DPYD: variants seen among roughly 807,000 people sequenced by gnomAD.
DPYD encodes the protein dihydropyrimidine dehydrogenase, also known as dihydropyrimidine dehydrogenase [NADP(+)].
A neutral mutation model predicts 116.2 loss-of-function variants in DPYD; 109 were observed. The observed-to-expected ratio is 0.94, with a 90% CI of 0.80 to 1.10. DPYD has a LOEUF of 1.10. Ranked by LOEUF, DPYD falls within the 50% of genes least tolerant of loss-of-function variation. DPYD has a pLI of 0.00. For missense variants in DPYD, 1,302 were observed against 1,254.5 expected (o/e 1.04, Z -0.57); for synonymous variants, 440 against 432.0 (o/e 1.02, Z -0.23).
At chr1:97,399,315 G>T (rs12045127) in intron 14 of DPYD, among the ~76,000 whole-genome samples, 39,492 of 151,724 alleles carry the variant, frequency 0.26, 5,339 homozygotes, top group South Asian at 0.41. Flanking sequence ...TATCTCTTTT[G>T]TGGTACCAGT....
intron 18 of DPYD, among the ~76,000 whole-genome samples, chr1:97,239,464 A>G (rs995078180): frequency 6.6e-6 from 1 of 151,640 alleles, no homozygotes; most frequent in East Asian, 1.9e-4. Flanking sequence ...TTTTTTAAGC[A>G]CCTATGGCTT....
intron 2 of DPYD, among the ~76,000 whole-genome samples, chr1:97,871,120 C>T (rs1671638885): frequency 6.6e-6 from 1 of 151,818 alleles, no homozygotes; most frequent in African/African-American, 2.4e-5. Context: ...CAGTAATATG[C>T]TTCATTAATA....
intron 22 of DPYD, among the ~76,000 whole-genome samples, chr1:97,081,929 C>T (rs1261667711): frequency 6.6e-6 from 1 of 152,046 alleles, no homozygotes; most frequent in Non-Finnish European, 1.5e-5. Flanking sequence ...TGGAAGAGAA[C>T]TCTCTTTTGG....
chr1:97,767,379 G>A (rs1444468838), intron 3 of DPYD, among the ~76,000 whole-genome samples: 1 of 152,086 alleles, frequency 6.6e-6, no homozygotes, highest in African/African-American at 2.4e-5. Context: ...CAAAGGGTAG[G>A]CTTTTTCCCT....
intron 21 of DPYD, among the ~76,000 whole-genome samples, chr1:97,092,836 GTCT>G (rs35741625): frequency 0.29 from 43,586 of 151,694 alleles, 6,818 homozygotes; most frequent in East Asian, 0.61. Context: ...GGACATCTTA[GTCT>G]TCTTATTATC....
intron 21 of DPYD, among the ~76,000 whole-genome samples, chr1:97,093,475 T>C (rs1356735970): frequency 1.3e-5 from 2 of 152,214 alleles, no homozygotes; most frequent in South Asian, 2.1e-4. Context: ...TCAAATATTA[T>C]AGCTAATAGT....
chr1:97,591,843 GT>G (rs1654541547), intron 10 of DPYD, among the ~76,000 whole-genome samples: 1 of 150,196 alleles, frequency 6.7e-6, no homozygotes, highest in East Asian at 2.0e-4. Context: ...CTTTCTATGT[GT>G]AAAAAAAAAC....
At chr1:97,457,202 T>C (rs1676736862) in intron 13 of DPYD, among the ~76,000 whole-genome samples, 2 of 152,056 alleles carry the variant, frequency 1.3e-5, no homozygotes, top group African/African-American at 2.4e-5. Context: ...GAATAATAAA[T>C]GAAAACTGAC....
At chr1:97,805,224 G>A (rs116594328) in intron 3 of DPYD, among the ~76,000 whole-genome samples, 86 of 151,914 alleles carry the variant, frequency 5.7e-4, no homozygotes, top group Middle Eastern at 3.4e-3. Context: ...ATTTAAAACT[G>A]TAAGTTTGAG....
chr1:97,329,491 A>T (rs1164271691), intron 16 of DPYD, among the ~76,000 whole-genome samples: 1 of 152,042 alleles, frequency 6.6e-6, no homozygotes, highest in Non-Finnish European at 1.5e-5. Flanking sequence ...TTACGCCTGT[A>T]ATCTCAGCAA....
chr1:97,423,673 G>C lies in DPYD; in HGVS notation c.1905+26386C>G, dbSNP rs190516160. Among the ~76,000 whole-genome samples the C allele has an allele frequency of 1.4e-4, 22 of 152,166 alleles. No homozygotes were observed. In the East Asian group the frequency reaches 3.5e-3, roughly 24 times the overall value. On this transcript the variant is annotated intron_variant, in intron 14 of 22. Coordinates refer to ENST00000370192, the MANE Select transcript of DPYD (RefSeq NM_000110.4). ...TCAGTGACAGGACCAGTTTGCTCTC[G>C]TCTAAACTGGCCCACCAAATCATGC...
intron 14 of DPYD, among the ~76,000 whole-genome samples, chr1:97,434,499 A>G (rs1340883689): frequency 6.6e-6 from 1 of 152,078 alleles, no homozygotes; most frequent in East Asian, 1.9e-4. Flanking sequence ...CCAGGGATGC[A>G]TAAATTCTTT....
chr1:97,264,070 C>T (rs1454361519), intron 18 of DPYD, among the ~76,000 whole-genome samples: 1 of 149,318 alleles, frequency 6.7e-6, no homozygotes, highest in African/African-American at 2.5e-5. Flanking sequence ...GAGAATCAGG[C>T]TGAAATGGAA....
chr1:97,107,485 C>A (rs1651254232), intron 20 of DPYD, among the ~76,000 whole-genome samples: 1 of 151,962 alleles, frequency 6.6e-6, no homozygotes, highest in Non-Finnish European at 1.5e-5. Context: ...TCAAAAATGG[C>A]TGAGAGGGGA....
intron 10 of DPYD, among the ~76,000 whole-genome samples, chr1:97,592,548 T>C (rs1195617761): frequency 1.3e-5 from 2 of 152,108 alleles, no homozygotes; most frequent in African/African-American, 4.8e-5. Context: ...TTTGTATTTT[T>C]AGTAGAGACG....
chr1:97,113,548 C>G (rs1405248680), intron 20 of DPYD, among the ~76,000 whole-genome samples: 1 of 152,028 alleles, frequency 6.6e-6, no homozygotes, highest in Non-Finnish European at 1.5e-5. Flanking sequence ...TAAACAGAAT[C>G]AGGATGAGAT....
chr1:97,842,431 C>T, intron 2 of DPYD, among the ~76,000 whole-genome samples: 1 of 151,908 alleles, frequency 6.6e-6, no homozygotes, highest in South Asian at 2.1e-4. Context: ...TACTAGGTGG[C>T]ATTCAAGTTG....
chr1:97,656,818 A>T (rs1231198812), intron 8 of DPYD, among the ~76,000 whole-genome samples: 33 of 143,910 alleles, frequency 2.3e-4, no homozygotes, highest in Non-Finnish European at 3.8e-4. Context: ...GGAATTTTTT[A>T]TTTTTTTTTT....
intron 2 of DPYD, among the ~76,000 whole-genome samples, chr1:97,846,495 G>T (rs1026689681): frequency 6.6e-6 from 1 of 152,160 alleles, no homozygotes; most frequent in Non-Finnish European, 1.5e-5. Flanking sequence ...AGTCTTGTGG[G>T]ACTGAGCCCA....
Sources: allele counts gnomAD v4.1 joint callset (sites outside exome capture counted in the v4.1 genomes callset), GRCh38; gene constraint gnomAD v4.1.1; transcripts MANE v1.5; gene names NCBI Gene and HGNC (gene_info 2026-07-23, HGNC 2026-07-21).